USP42: variants seen among roughly 807,000 people sequenced by gnomAD.
The protein encoded by USP42 is ubiquitin specific peptidase 42, also known as ubiquitin carboxyl-terminal hydrolase 42.
In USP42, 23 loss-of-function variants were observed where a neutral mutation model predicts 113.0. That is an observed-to-expected ratio of 0.20 (90% CI 0.15 to 0.29). The LOEUF (loss-of-function observed/expected upper bound fraction) is 0.29. USP42 is among the 10% of genes least tolerant of loss of function. USP42 has a pLI of 1.00. For synonymous variants in USP42, 933 were observed against 699.0 expected, an observed-to-expected ratio of 1.33 and a Z score of -5.28; for missense variants, 2,174 against 1,779.8, an observed-to-expected ratio of 1.22 and a Z score of -3.99.
intron 3 of USP42, among the ~76,000 whole-genome samples, chr7:6,116,268 A>T (rs757580252): frequency 6.6e-6 from 1 of 152,202 alleles, no homozygotes; most frequent in Non-Finnish European, 1.5e-5. Context: ...ACCTCCTGGA[A>T]TTCAGACTAG....
At chr7:6,136,808 C>CTT (rs80342183) in intron 4 of USP42, among the ~76,000 whole-genome samples, 9 of 141,990 alleles carry the variant, frequency 6.3e-5, no homozygotes, top group Non-Finnish European at 7.7e-5. Flanking sequence ...TTCGGTTCTT[C>CTT]TTTTTTTTTT....
chr7:6,123,150 T>G (rs1780329915), intron 3 of USP42, among the ~76,000 whole-genome samples: 1 of 152,010 alleles, frequency 6.6e-6, no homozygotes, highest in Non-Finnish European at 1.5e-5. Context: ...GATGAACTCA[T>G]TTCGTTACCA....
At chr7:6,148,455 C>T (rs929208829) in intron 12 of USP42, among the ~76,000 whole-genome samples, 13 of 152,194 alleles carry the variant, frequency 8.5e-5, no homozygotes, top group African/African-American at 2.9e-4. Flanking sequence ...TCTGGACTTC[C>T]ATTCTTCTCA....
intron 7 of USP42, among the ~76,000 whole-genome samples, chr7:6,142,196 T>C (rs1367663464): frequency 6.6e-6 from 1 of 151,694 alleles, no homozygotes; most frequent in Non-Finnish European, 1.5e-5. Context: ...ATCATACTAC[T>C]AAATGAAAAT....
At chr7:6,102,369 C>A (rs972453263), upstream of USP42, among the ~76,000 whole-genome samples, 19 of 150,334 alleles carry the variant, frequency 1.3e-4, 2 homozygotes, top group African/African-American at 4.7e-4. Context: ...GCCTCGGCTT[C>A]CCAAAGTGCT....
chr7:6,157,587 G>A lies in USP42; in HGVS notation c.3943+532G>A, dbSNP rs552885014. Among the ~76,000 whole-genome samples, 18 of 152,188 alleles carry A rather than the reference G, an allele frequency of 1.2e-4. No individual in the cohort carries two copies. The highest frequency in any genetic ancestry group is 3.9e-4 in the East Asian group (2 of 5,176). ...TAAATTTTGTGTTTTTAGTAGAGACGGTGTTTCACCGTGTTAGCCAGGATG... is the reference window on the plus strand; with the variant it reads ...TAAATTTTGTGTTTTTAGTAGAGACAGTGTTTCACCGTGTTAGCCAGGATG... On this transcript the variant is annotated intron_variant, in intron 16 of 17. Transcript: ENST00000306177. The surrounding 1 kb of genome is among the most constrained non-coding windows in gnomAD (Gnocchi z 4.1).
At position 6,136,028 on chromosome 7, in the gene USP42, A is replaced by G. The variant is rs1359214685; in HGVS notation, c.553+77A>G. ...TTTTTTTTTTTTTTTTTTTCGAGACAGAGTCTTGCTCTGTCGCCTAGGCTG... is the reference window on the plus strand; with the variant it reads ...TTTTTTTTTTTTTTTTTTTCGAGACGGAGTCTTGCTCTGTCGCCTAGGCTG... On this transcript the variant is annotated intron_variant, in intron 4 of 17. Coordinates refer to ENST00000306177, the MANE Select transcript of USP42 (RefSeq NM_032172.3). The G allele has an allele frequency of 9.4e-5, 83 of 887,548 alleles. No individual in the cohort carries two copies. The East Asian group carries it at 2.4e-3, about 25-fold the overall frequency. The allele number at this position is 887,548 out of a possible 1,614,324, so 55.0% of individuals were successfully genotyped here. A position where few individuals can be genotyped will look rare whatever the true frequency, so the allele number is the denominator to read the frequency against.
chr7:6,094,782 T>C, the USP42 span, among the ~76,000 whole-genome samples: 1 of 149,216 alleles, frequency 6.7e-6, no homozygotes, highest in African/African-American at 2.5e-5. Context: ...GGGGGCAGTT[T>C]CAGGGCTTCC....
At chr7:6,093,984 G>A in the USP42 span, among the ~76,000 whole-genome samples, 9 of 150,848 alleles carry the variant, frequency 6.0e-5, no homozygotes, top group South Asian at 1.9e-3. Flanking sequence ...CCACCTCCCG[G>A]GTTGAAGTGA....
Position 6,143,959 on chromosome 7 carries a change from C to T in USP42, c.879-126C>T, listed in dbSNP as rs552052051. 5 of 536,182 alleles carry T rather than the reference C, an allele frequency of 9.3e-6. No homozygotes were observed. In the South Asian group the frequency reaches 1.6e-4, roughly 17 times the overall value. The allele number at this position is 536,182 out of a possible 1,614,324, so 33.2% of individuals were successfully genotyped here. On this transcript the variant is annotated intron_variant, in intron 8 of 17. Coordinates refer to ENST00000306177, the MANE Select transcript of USP42 (RefSeq NM_032172.3). Reference sequence around the variant, plus strand: ...CACTGTTGGTTGAAGGCTGGTGGTTCTCATCCAGTGTCCTTTTTGGAACCT... The same window carrying T: ...CACTGTTGGTTGAAGGCTGGTGGTTTTCATCCAGTGTCCTTTTTGGAACCT...
At chr7:6,160,321 G>A (rs1181255989) in intron 17 of USP42, among the ~76,000 whole-genome samples, 4 of 152,216 alleles carry the variant, frequency 2.6e-5, no homozygotes, top group Admixed American at 2.6e-4. Context: ...GGATGGAGGT[G>A]GAGGAGGCAT....
intron 1 of USP42, among the ~76,000 whole-genome samples, chr7:6,106,442 A>T (rs1447343604): frequency 1.3e-5 from 2 of 152,240 alleles, no homozygotes; most frequent in African/African-American, 4.8e-5. Context: ...CTAGCATTTG[A>T]TAACAAGGGA....
rs1321715218 is a variant in USP42, at chr7:6,119,690, T to TG, written c.442+4167_442+4168insG. Among the ~76,000 whole-genome samples, 561 of 152,202 alleles carry TG rather than the reference T, an allele frequency of 3.7e-3. 2 individuals are homozygous for TG. The highest frequency in any genetic ancestry group is 0.013 in the African/African-American group (532 of 41,544). On this transcript the variant is annotated intron_variant, in intron 3 of 17. Transcript: ENST00000306177. ...TATACCTATTCATTTAGGCCTTGTTTTTTGTTGTTGTTGTTGTTTTGTTTT... is the reference window on the plus strand; with the variant it reads ...TATACCTATTCATTTAGGCCTTGTTTGTTTGTTGTTGTTGTTGTTTTGTTTT...
chr7:6,154,079 G>T lies in USP42; in HGVS notation c.2525G>T (p.Gly842Val), dbSNP rs1045258334. The T allele has an allele frequency of 6.2e-7, 1 of 1,605,840 alleles. No homozygotes were observed. The highest frequency in any genetic ancestry group is 8.5e-7 in the Non-Finnish European group (1 of 1,179,136). The change falls in exon 15 of 18, where the codon GGC becomes GTC. Residue 842 changes from glycine to valine, a missense_variant. Gly to Val is a moderately radical substitution (Grantham distance 109, BLOSUM62 -3). Coordinates refer to ENST00000306177, the MANE Select transcript of USP42 (RefSeq NM_032172.3). ...SQDAKGMIAE[G>V]PRDSALAEAP... ...GACGCAAAGGGGATGATCGCGGAGG[G>T]CCCGCGGGACTCGGCGTTGGCGGAA...
In USP42 at chr7:6,158,449, G is replaced by A. The variant is rs973211706; in HGVS notation, c.3944-1001G>A. On this transcript the variant is annotated intron_variant, in intron 16 of 17. Coordinates refer to ENST00000306177, the MANE Select transcript of USP42 (RefSeq NM_032172.3). The surrounding 1 kb of genome is among the most constrained non-coding windows in gnomAD (Gnocchi z 4.2). The stretch of plus-strand genomic sequence containing the variant: ...GCCTTTTGCTTCTCGGCTGAGTTGT[G>A]GGTTAGGTGGAGCTGTGTGTTCTGG... Among the ~76,000 whole-genome samples, 7 of 151,896 alleles carry A rather than the reference G, an allele frequency of 4.6e-5. No individual in the cohort carries two copies. The highest frequency in any genetic ancestry group is 8.8e-5 in the Non-Finnish European group (6 of 68,022).
At chr7:6,148,678 G>T (rs1781857793) in intron 12 of USP42, among the ~76,000 whole-genome samples, 1 of 152,152 alleles carries the variant, frequency 6.6e-6, no homozygotes, top group Non-Finnish European at 1.5e-5. Flanking sequence ...CTAGAGTGGG[G>T]GCCTCATCTG....
At chr7:6,130,781 G>A (rs1282450315) in intron 3 of USP42, among the ~76,000 whole-genome samples, 4 of 152,090 alleles carry the variant, frequency 2.6e-5, no homozygotes, top group Non-Finnish European at 5.9e-5. Flanking sequence ...ACACAAGAGA[G>A]GCTCAGGAAG....
In USP42 at chr7:6,159,099, C is replaced by T. The variant is rs985443123; in HGVS notation, c.3944-351C>T. ...CCTCACCCAGCGTCCTGTGGTCCTG[C>T]GGGTCCCCCTCTACCCTGGACTTCG... On this transcript the variant is annotated intron_variant, in intron 16 of 17. Coordinates refer to ENST00000306177, the MANE Select transcript of USP42 (RefSeq NM_032172.3). The surrounding 1 kb of genome is among the most constrained non-coding windows in gnomAD (Gnocchi z 4.1). Among the ~76,000 whole-genome samples the T allele has an allele frequency of 2.0e-5, 3 of 152,172 alleles. No homozygotes were observed. Among genetic ancestry groups the T allele is most frequent in the Admixed American group, 6.5e-5 (1 of 15,284 alleles).
the USP42 span, among the ~76,000 whole-genome samples, chr7:6,083,663 G>C: frequency 6.6e-6 from 1 of 150,520 alleles, no homozygotes; most frequent in African/African-American, 2.5e-5. Context: ...ATAGTATATT[G>C]AGATATGTAT....
Sources: allele counts gnomAD v4.1 joint callset (sites outside exome capture counted in the v4.1 genomes callset), GRCh38; gene constraint gnomAD v4.1.1; non-coding constraint Gnocchi (gnomAD v3.1); transcripts MANE v1.5; gene names NCBI Gene and HGNC (gene_info 2026-07-23, HGNC 2026-07-21).